The following SLC29A4 variants were observed in gnomAD, a reference collection of about 807,000 sequenced individuals.
SLC29A4 encodes the protein equilibrative nucleoside transporter 4.
A neutral mutation model predicts 43.9 loss-of-function variants in SLC29A4; 36 were observed. The ratio of observed to expected loss-of-function variants is 0.82; its 90% CI spans 0.63 to 1.08. The LOEUF (loss-of-function observed/expected upper bound fraction) is 1.08. Among genes scored for constraint, SLC29A4 ranks in the 50% least tolerant of loss-of-function variants. The pLI is 0.00. For synonymous variants in SLC29A4, 491 were observed against 338.0 expected, an observed-to-expected ratio of 1.45 and a Z score of -4.97; for missense variants, 869 against 755.3, an observed-to-expected ratio of 1.15 and a Z score of -1.77.
rs1009178027 is a variant in SLC29A4, at chr7:5,303,011, G to C, written c.*72G>C. 6.5e-7 allele frequency: 1 copy of C among 1,528,102 alleles called. No homozygotes were observed. Among genetic ancestry groups the C allele is most frequent in the Non-Finnish European group, 8.8e-7 (1 of 1,136,306 alleles). The allele number at this position is 1,528,102 out of a possible 1,614,324, so 94.7% of individuals were successfully genotyped here. ...CCCGAGGCCTGAGGGCCCCTCCCCT[G>C]TCCCCACCTCAGTGCCTGCGGGGCC... On this transcript the variant is annotated 3_prime_UTR_variant, in exon 11 of 11. Coordinates refer to ENST00000396872, the MANE Select transcript of SLC29A4 (RefSeq NM_153247.4).
At chr7:5,300,741 C>T in intron 10 of SLC29A4, 79 bp downstream of exon 10, 2 of 1,540,584 alleles carry the variant, frequency 1.3e-6, no homozygotes, top group African/African-American at 1.4e-5. Flanking sequence ...CCAGGCTAGA[C>T]CGCAGGAAGG....
chr7:5,300,614 A>G lies in SLC29A4; in HGVS notation c.1402A>G (p.Met468Val). ...CAACGGCTACTTCGGCAGCGTGCCC[A>G]TGATCCTGGCGGCAGGCAAAGTGAG... is the stretch of plus-strand genomic sequence containing the variant. ...ISNGYFGSVP[M>V]ILAAGKVSPK... is the part of the protein sequence containing the mutation. The change falls in exon 10 of 11, where the codon ATG becomes GTG. Residue 468 changes from methionine (M) to valine (V), a missense_variant. Transcript: ENST00000396872. 6 of 1,610,626 alleles carry G rather than the reference A, an allele frequency of 3.7e-6. No individual in the cohort carries two copies. Among genetic ancestry groups the G allele is most frequent in the South Asian group, 2.2e-5 (2 of 90,882 alleles).
chr7:5,297,922 C>T (rs1444750660), intron 7 of SLC29A4, among the ~76,000 whole-genome samples: 5 of 152,174 alleles, frequency 3.3e-5, no homozygotes, highest in Non-Finnish European at 7.4e-5. Flanking sequence ...CCTATCCCAC[C>T]ATCCCTGGGC....
chr7:5,299,228 G>C lies in SLC29A4; in HGVS notation c.1022-12G>C. 1.2e-6 allele frequency: 2 copies of C among 1,606,322 alleles called. No individual in the cohort carries two copies. The highest frequency in any genetic ancestry group is 8.5e-7 in the Non-Finnish European group (1 of 1,175,726). ...TGGGCGCTGCCTCTGACCCCCGCCC[G>C]CCACCCTCCAGCCCTGTTACTGCAC... On this transcript the variant is annotated splice_polypyrimidine_tract_variant and intron_variant, in intron 8 of 10. Transcript: ENST00000396872.
At chr7:5,288,189 G>A (rs1216622122) in intron 2 of SLC29A4, among the ~76,000 whole-genome samples, 1 of 152,166 alleles carries the variant, frequency 6.6e-6, no homozygotes, top group Non-Finnish European at 1.5e-5. Context: ...TGTCCCTGCT[G>A]GGGGCCCTGC....
chr7:5,300,198 C>G lies in SLC29A4; in HGVS notation c.1210-224C>G, dbSNP rs77655376. Among the ~76,000 whole-genome samples, 998 of 152,302 alleles carry G rather than the reference C, an allele frequency of 6.6e-3. 22 individuals carry two copies. Among genetic ancestry groups the G allele is most frequent in the Admixed American group, 0.046 (699 of 15,300 alleles). On this transcript the variant is annotated intron_variant, in intron 9 of 10. Transcript: ENST00000396872. Reference sequence around the variant, plus strand: ...AGTGAGCCACCATCGTGTCACTGCACTCCAGCTTGGGGGATAGACCGATAC... The same window carrying G: ...AGTGAGCCACCATCGTGTCACTGCAGTCCAGCTTGGGGGATAGACCGATAC...
intron 10 of SLC29A4, 132 bp from the exon 11 acceptor site, chr7:5,302,665 G>A: frequency 1.2e-6 from 1 of 854,628 alleles, no homozygotes; most frequent in Non-Finnish European, 1.8e-6. Flanking sequence ...GCTCCCAGGA[G>A]GAGCGATGGG....
At chr7:5,302,773 C>T (rs369458080) in intron 10 of SLC29A4, 24 bp from the exon 11 acceptor site, 71 of 1,542,616 alleles carry the variant, frequency 4.6e-5, no homozygotes, top group Non-Finnish European at 5.8e-5. Context: ...GGCCCTGCTC[C>T]CCTCAGGCTG....
chr7:5,295,225 G>A (rs997056924), intron 6 of SLC29A4, among the ~76,000 whole-genome samples: 4 of 151,718 alleles, frequency 2.6e-5, no homozygotes, highest in African/African-American at 9.7e-5. Context: ...ATGTGGCTGG[G>A]TGTGTGTTTG....
chr7:5,288,030 G>T (rs371906416), intron 2 of SLC29A4, 45 bp downstream of exon 2: 3 of 1,559,268 alleles, frequency 1.9e-6, no homozygotes, highest in Non-Finnish European at 1.7e-6. Flanking sequence ...CCCAAAGCAG[G>T]CTGGGCTGTG....
chr7:5,300,193 CTG>C (rs1228374101), intron 9 of SLC29A4, among the ~76,000 whole-genome samples: 1 of 152,190 alleles, frequency 6.6e-6, no homozygotes, highest in Non-Finnish European at 1.5e-5. Flanking sequence ...CATCGTGTCA[CTG>C]CACTCCAGCT....
At chr7:5,291,970 ACACC>A in intron 5 of SLC29A4, 149 bp downstream of exon 5, 3 of 1,062,428 alleles carry the variant, frequency 2.8e-6, no homozygotes, top group Non-Finnish European at 4.0e-6. Context: ...GCCAGCGTGC[ACACC>A]GGCTCACACC....
chr7:5,299,519 A>C, intron 9 of SLC29A4, 92 bp downstream of exon 9: 11 of 1,344,154 alleles, frequency 8.2e-6, no homozygotes, highest in Non-Finnish European at 1.1e-5. Flanking sequence ...TTCTGAGTGA[A>C]GGATGCATGT....
chr7:5,291,565 C>A, intron 4 of SLC29A4, 128 bp from the exon 5 acceptor site: 1 of 1,290,224 alleles, frequency 7.8e-7, no homozygotes, highest in Non-Finnish European at 1.1e-6. Context: ...ACTCGTAAAG[C>A]ATCCCTGGCC....
chr7:5,287,184 G>T (rs2128086540), intron 1 of SLC29A4, among the ~76,000 whole-genome samples: 1 of 152,322 alleles, frequency 6.6e-6, no homozygotes, highest in South Asian at 2.1e-4. Flanking sequence ...CCCGCACTTT[G>T]GGAGGCCGAG....
At chr7:5,293,832 C>A (rs1191315395) in intron 5 of SLC29A4, among the ~76,000 whole-genome samples, 1 of 152,102 alleles carries the variant, frequency 6.6e-6, no homozygotes, top group African/African-American at 2.4e-5. Flanking sequence ...TGTCTCCATG[C>A]ATGGTGGCTC....
rs148616962 is a variant in SLC29A4 at position 5,288,813 on chromosome 7, G to C, written c.169+828G>C. On this transcript the variant is annotated intron_variant, in intron 2 of 10. Transcript: ENST00000396872. ...ACCACATTGAAGAATTGGGCCAACT[G>C]ACTTTGAGATCAGACTTGCAGAGTG... Among the ~76,000 whole-genome samples the C allele has an allele frequency of 4.0e-3, 616 of 152,244 alleles. 6 individuals are homozygous for C. Among genetic ancestry groups the C allele is most frequent in the African/African-American group, 0.014 (590 of 41,530 alleles).
chr7:5,299,146 T>C lies in SLC29A4; in HGVS notation c.1021+20T>C. 6 of 1,603,610 alleles carry C rather than the reference T, an allele frequency of 3.7e-6. No individual in the cohort carries two copies. The highest frequency in any genetic ancestry group is 5.1e-6 in the Non-Finnish European group (6 of 1,173,964). On this transcript the variant is annotated intron_variant, in intron 8 of 10. Coordinates refer to ENST00000396872, the MANE Select transcript of SLC29A4 (RefSeq NM_153247.4). ...TCAGAGGTGAGTGCGGGGAGTCCTC[T>C]GCTGCCCTGGCTCTGGCACCCAGGC...
intron 5 of SLC29A4, among the ~76,000 whole-genome samples, chr7:5,294,445 C>T (rs1270516366): frequency 6.6e-6 from 1 of 152,124 alleles, no homozygotes; most frequent in African/African-American, 2.4e-5. Context: ...ACAAGCCTGA[C>T]TTCTCACTTT....
Sources: gnomAD v4.1 joint callset for allele counts (sites outside exome capture counted in the v4.1 genomes callset) on GRCh38, gnomAD v4.1.1 for gene constraint, MANE v1.5 for transcripts, NCBI Gene and HGNC (gene_info 2026-07-23, HGNC 2026-07-21) for gene names.